The following INTS6 variants were observed in gnomAD, a reference collection of about 807,000 sequenced individuals.
The protein encoded by INTS6 is integrator complex subunit 6.
INTS6 carries 16 observed loss-of-function variants against 104.9 expected under a neutral mutation model. The observed-to-expected ratio is 0.15, with a 90% CI of 0.10 to 0.23. INTS6 has a LOEUF of 0.23. Among genes scored for constraint, INTS6 ranks in the 10% least tolerant of loss-of-function variants. INTS6 has a pLI of 1.00. For synonymous variants in INTS6, 324 were observed against 358.7 expected, an observed-to-expected ratio of 0.90 and a Z score of 1.09; for missense variants, 584 against 1,062.8, an observed-to-expected ratio of 0.55 and a Z score of 6.26.
rs181315139 is a variant in INTS6, at chr13:51,362,741, A to G, written c.*3011T>C. The G allele has an allele frequency of 2.0e-5, 3 of 152,604 alleles. No individual in the cohort carries two copies. In the East Asian group the frequency reaches 5.8e-4, roughly 29 times the overall value. 9.5% of individuals were successfully genotyped at this position (152,604 alleles called of 1,614,324 possible). A position where few individuals can be genotyped will look rare whatever the true frequency, so the allele number is the denominator to read the frequency against. On this transcript the variant is annotated 3_prime_UTR_variant, in exon 18 of 18. Transcript: ENST00000311234. Reference sequence around the variant, plus strand: ...TAGAATGAAAATTATGCATAGTTTTACATAAATTGTTAAGGAAATACTGTC... The same window carrying G: ...TAGAATGAAAATTATGCATAGTTTTGCATAAATTGTTAAGGAAATACTGTC...
At chr13:51,417,767 T>C (rs1005072279) in intron 4 of INTS6, among the ~76,000 whole-genome samples, 5 of 152,112 alleles carry the variant, frequency 3.3e-5, no homozygotes, top group Admixed American at 3.3e-4. Context: ...AGAAAATTAT[T>C]CTTTTCTCAT....
chr13:51,448,964 T>C (rs1287534256), intron 3 of INTS6: 4 of 152,226 alleles, frequency 2.6e-5, no homozygotes, highest in Non-Finnish European at 4.4e-5. Context: ...CAATATTCAG[T>C]ATTAAATATT....
chr13:51,389,539 G>A (rs1282572070), intron 5 of INTS6, 95 bp from the exon 6 acceptor site: 8 of 1,252,190 alleles, frequency 6.4e-6, no homozygotes, highest in Non-Finnish European at 8.5e-6. Context: ...AAACAACTGT[G>A]GGGTTTCTGA....
At chr13:51,367,991 T>G (rs1165586422) in intron 16 of INTS6, 93 bp from the exon 17 acceptor site, 2 of 611,984 alleles carry the variant, frequency 3.3e-6, no homozygotes, top group Admixed American at 7.8e-5. Context: ...TATTAAGATA[T>G]ACTGAGATAA....
chr13:51,450,084 T>C (rs2138177603), intron 3 of INTS6: 1 of 985,396 alleles, frequency 1.0e-6, no homozygotes, highest in South Asian at 4.7e-5. Context: ...CCCTGAAATG[T>C]ACGAAACTCA....
At chr13:51,419,786 A>C (rs1454915939) in intron 4 of INTS6, among the ~76,000 whole-genome samples, 3 of 152,200 alleles carry the variant, frequency 2.0e-5, no homozygotes, top group African/African-American at 7.2e-5. Flanking sequence ...AGGAAAAATC[A>C]ATTCCATAAA....
intron 16 of INTS6, among the ~76,000 whole-genome samples, chr13:51,368,563 A>G (rs986447033): frequency 6.6e-6 from 1 of 152,158 alleles, no homozygotes; most frequent in Non-Finnish European, 1.5e-5. Flanking sequence ...TAACTACTAA[A>G]CATAGTGGTA....
At chr13:51,336,114 GTTAGA>G in the INTS6 span, among the ~76,000 whole-genome samples, 1 of 152,162 alleles carries the variant, frequency 6.6e-6, no homozygotes, top group African/African-American at 2.4e-5. Flanking sequence ...GTTTCTACAA[GTTAGA>G]TTAAAAACTA....
At chr13:51,405,086 G>T (rs1385815209) in intron 4 of INTS6, among the ~76,000 whole-genome samples, 1 of 152,190 alleles carries the variant, frequency 6.6e-6, no homozygotes, top group African/African-American at 2.4e-5. Flanking sequence ...CAAGTGTGAA[G>T]AATAATAAGT....
Position 51,452,372 on chromosome 13 carries a change from G to A in INTS6, c.111+43C>T, listed in dbSNP as rs1243542185. 3.3e-6 allele frequency: 5 copies of A among 1,493,748 alleles called. No homozygotes were observed. The highest frequency in any genetic ancestry group is 2.2e-5 in the Admixed American group (1 of 46,168). The allele number at this position is 1,493,748 out of a possible 1,614,324, so 92.5% of individuals were successfully genotyped here. Reference sequence around the variant, plus strand: ...CCCTCCCCCACCCTGCCGCCCGCGGGCCGCCGGGCCGGGGTCGCCGCCCGG... The same window carrying A: ...CCCTCCCCCACCCTGCCGCCCGCGGACCGCCGGGCCGGGGTCGCCGCCCGG... On this transcript the variant is annotated intron_variant, in intron 1 of 17. Transcript: ENST00000311234. This position sits in a 1 kb window ranked among gnomAD's most constrained non-coding sequence, Gnocchi z 4.2.
intron 4 of INTS6, among the ~76,000 whole-genome samples, chr13:51,425,824 T>C (rs1341653939): frequency 6.6e-6 from 1 of 152,074 alleles, no homozygotes; most frequent in African/African-American, 2.4e-5. Flanking sequence ...ACTGAGTATC[T>C]GGACACAGGT....
downstream of INTS6, among the ~76,000 whole-genome samples, chr13:51,360,666 G>A (rs1409092817): frequency 6.6e-6 from 1 of 152,036 alleles, no homozygotes; most frequent in Non-Finnish European, 1.5e-5. Flanking sequence ...TCTAGCCCAT[G>A]AGGCAAATTA....
downstream of INTS6, among the ~76,000 whole-genome samples, chr13:51,351,649 A>T (rs149711585): frequency 6.6e-6 from 1 of 152,004 alleles, no homozygotes; most frequent in Non-Finnish European, 1.5e-5. Context: ...AGCTCAATTA[A>T]TCTATGTTTT....
At chr13:51,387,119 T>C (rs1417892783) in intron 7 of INTS6, among the ~76,000 whole-genome samples, 3 of 152,200 alleles carry the variant, frequency 2.0e-5, no homozygotes, top group African/African-American at 4.8e-5. Flanking sequence ...GAGGAAATTT[T>C]GAACCCAGAA....
intron 7 of INTS6, among the ~76,000 whole-genome samples, chr13:51,387,059 T>C (rs1017640064): frequency 2.6e-5 from 4 of 152,296 alleles, no homozygotes; most frequent in African/African-American, 9.6e-5. Flanking sequence ...TAAGCCTTCA[T>C]TTAAATCCTA....
intron 5 of INTS6, among the ~76,000 whole-genome samples, chr13:51,390,319 G>A (rs879713439): frequency 3.3e-5 from 5 of 151,650 alleles, no homozygotes; most frequent in Non-Finnish European, 5.9e-5. Flanking sequence ...CATCTCATTA[G>A]TAATTTTAAA....
chr13:51,450,126 A>G (rs1383313193), intron 3 of INTS6: 74 of 985,138 alleles, frequency 7.5e-5, no homozygotes, highest in Non-Finnish European at 8.9e-5. Context: ...TTGGGAAAAT[A>G]CAACATATAC....
Position 51,361,803 on chromosome 13 carries a change from C to T in INTS6, c.*3949G>A, listed in dbSNP as rs1379556707. ...AATGCAATGGAATTTTTCTTTCTTT[C>T]CTGCAGCTCTGTTGTTATTGAAAAG... On this transcript the variant is annotated 3_prime_UTR_variant, in exon 18 of 18. Transcript: ENST00000311234. 5 of 1,576,984 alleles carry T rather than the reference C, an allele frequency of 3.2e-6. No homozygotes were observed. The highest frequency in any genetic ancestry group is 2.4e-5 in the South Asian group (2 of 84,480).
rs1462476378 is a variant in INTS6, at chr13:51,365,647, T to C, written c.*105A>G. 2 of 531,284 alleles carry C rather than the reference T, an allele frequency of 3.8e-6. No homozygotes were observed. The highest frequency in any genetic ancestry group is 4.1e-5 in the South Asian group (1 of 24,108). The allele number at this position is 531,284 out of a possible 1,614,324, so 32.9% of individuals were successfully genotyped here. ...GTAGATTTGCTTTTAGTATTTCAAA[T>C]AGCCAACAATGCATGTCAGAAAATG... On this transcript the variant is annotated 3_prime_UTR_variant, in exon 18 of 18. Transcript: ENST00000311234.
Sources: gnomAD v4.1 joint callset for allele counts (sites outside exome capture counted in the v4.1 genomes callset) on GRCh38, gnomAD v4.1.1 for gene constraint, Gnocchi (gnomAD v3.1) non-coding constraint, MANE v1.5 for transcripts, NCBI Gene and HGNC (gene_info 2026-07-23, HGNC 2026-07-21) for gene names.